Variants in ATAD2B observed in about 807,000 individuals in gnomAD.
The protein encoded by ATAD2B is ATPase family AAA domain-containing protein 2B.
A neutral mutation model predicts 167.6 loss-of-function variants in ATAD2B; 40 were observed. The observed-to-expected ratio is 0.24, with a 90% CI of 0.19 to 0.31. ATAD2B has a LOEUF of 0.31. Ranked by LOEUF, ATAD2B falls within the 10% of genes least tolerant of loss-of-function variation. The probability of loss-of-function intolerance (pLI) is 1.00; values close to 1 mark genes in which losing one functional copy is unlikely to be tolerated. For synonymous variants in ATAD2B, 579 were observed against 596.5 expected, an observed-to-expected ratio of 0.97 and a Z score of 0.43; for missense variants, 1,242 against 1,757.2, an observed-to-expected ratio of 0.71 and a Z score of 5.24.
At chr2:23,745,386 A>AAGGAAGGAAGGC, downstream of ATAD2B, among the ~76,000 whole-genome samples, 1 of 104,780 alleles carries the variant, frequency 9.5e-6, no homozygotes, top group Non-Finnish European at 2.1e-5. Context: ...GGAAGGAAGG[A>AAGGAAGGAAGGC]AGGAAGGAAG....
At chr2:23,711,804 C>T in the ATAD2B span, among the ~76,000 whole-genome samples, 360 of 152,254 alleles carry the variant, frequency 2.4e-3, 2 homozygotes, top group African/African-American at 8.0e-3. Flanking sequence ...AATATGCTGC[C>T]ATGTATTCGT....
intron 13 of ATAD2B, among the ~76,000 whole-genome samples, chr2:23,851,388 T>C (rs1051669267): frequency 1.3e-5 from 2 of 152,210 alleles, no homozygotes; most frequent in Middle Eastern, 3.2e-3. Context: ...AGATCCACTG[T>C]CCTTGGCCTC....
intron 13 of ATAD2B, among the ~76,000 whole-genome samples, chr2:23,835,287 T>C (rs372172093): frequency 6.6e-6 from 1 of 152,150 alleles, no homozygotes; most frequent in Non-Finnish European, 1.5e-5. Flanking sequence ...AACTGATAAA[T>C]AGAATAAATG....
At chr2:23,716,007 T>C in the ATAD2B span, among the ~76,000 whole-genome samples, 1 of 152,356 alleles carries the variant, frequency 6.6e-6, no homozygotes, top group Admixed American at 6.5e-5. Context: ...TCTAAAGGGA[T>C]GTTCTGTTTG....
chr2:23,914,608 G>A (rs1024699032), intron 1 of ATAD2B, among the ~76,000 whole-genome samples: 3 of 152,086 alleles, frequency 2.0e-5, no homozygotes, highest in African/African-American at 7.2e-5. Context: ...GGTAGGCCGA[G>A]GCAGGCAGAT....
the ATAD2B span, among the ~76,000 whole-genome samples, chr2:23,704,627 C>T: frequency 0.033 from 4,970 of 152,236 alleles, 100 homozygotes; most frequent in South Asian, 0.087. Flanking sequence ...ATTTGCCAGG[C>T]GTGGTGGCAT....
the ATAD2B span, among the ~76,000 whole-genome samples, chr2:23,728,803 TAA>T: frequency 6.6e-6 from 1 of 152,196 alleles, no homozygotes; most frequent in Non-Finnish European, 1.5e-5. Context: ...TGAAGGATAA[TAA>T]GAGACATAAT....
At position 23,836,804 on chromosome 2, in the gene ATAD2B, C is replaced by A. The variant is rs557451453; in HGVS notation, c.1569-2726G>T. Among the ~76,000 whole-genome samples, 9 of 152,172 alleles carry A rather than the reference C, an allele frequency of 5.9e-5. No individual in the cohort carries two copies. The South Asian group carries it at 1.9e-3, about 32-fold the overall frequency. Reference sequence around the variant, plus strand: ...GTAGCTCCTCTCTGAAGTTGGTCCTCCTGATGTCCACTTAGCTCTGGCTGA... The same window carrying A: ...GTAGCTCCTCTCTGAAGTTGGTCCTACTGATGTCCACTTAGCTCTGGCTGA... On this transcript the variant is annotated intron_variant, in intron 13 of 27. Coordinates refer to ENST00000238789, the MANE Select transcript of ATAD2B (RefSeq NM_017552.4).
intron 1 of ATAD2B, among the ~76,000 whole-genome samples, chr2:23,910,325 T>G (rs1418060717): frequency 6.6e-6 from 1 of 151,536 alleles, no homozygotes; most frequent in Non-Finnish European, 1.5e-5. Context: ...ATTACAAGCA[T>G]GCACCACGAT....
chr2:23,776,488 G>T (rs1269474888), intron 22 of ATAD2B, among the ~76,000 whole-genome samples: 1 of 152,224 alleles, frequency 6.6e-6, no homozygotes, highest in Non-Finnish European at 1.5e-5. Flanking sequence ...TATACACAGA[G>T]AATATTTAAC....
chr2:23,726,957 T>C, the ATAD2B span, among the ~76,000 whole-genome samples: 3 of 152,212 alleles, frequency 2.0e-5, no homozygotes, highest in African/African-American at 7.2e-5. Flanking sequence ...TTATGCTATG[T>C]GTATTTTACC....
chr2:23,734,121 C>T, the ATAD2B span, among the ~76,000 whole-genome samples: 4 of 152,278 alleles, frequency 2.6e-5, no homozygotes, highest in Admixed American at 2.0e-4. Context: ...TCTGTTTTCA[C>T]ATTGCTATAA....
At chr2:23,895,736 G>A (rs1700072306) in intron 2 of ATAD2B, 83 bp downstream of exon 2, 2 of 992,688 alleles carry the variant, frequency 2.0e-6, no homozygotes, top group African/African-American at 3.3e-5. Flanking sequence ...TATTTTATAA[G>A]CTAAGAAAAT....
chr2:23,704,137 CTCAG>C, the ATAD2B span, among the ~76,000 whole-genome samples: 1 of 152,228 alleles, frequency 6.6e-6, no homozygotes, highest in Non-Finnish European at 1.5e-5. Flanking sequence ...CTACCCTGCT[CTCAG>C]TGAGAGGTGA....
At chr2:23,760,618 T>A (rs1026993546) in intron 24 of ATAD2B, among the ~76,000 whole-genome samples, 3 of 149,904 alleles carry the variant, frequency 2.0e-5, no homozygotes, top group Admixed American at 1.3e-4. Context: ...GAGCCAAGAC[T>A]GAGCCACTGC....
intron 14 of ATAD2B, chr2:23,832,404 G>A (rs375469115): frequency 9.9e-6 from 3 of 303,394 alleles, no homozygotes; most frequent in East Asian, 9.1e-5. Flanking sequence ...TGTGGAAAAC[G>A]ATGTTCAAGA....
intron 2 of ATAD2B, among the ~76,000 whole-genome samples, chr2:23,890,343 CA>C (rs963938006): frequency 6.6e-6 from 1 of 151,512 alleles, no homozygotes; most frequent in African/African-American, 2.4e-5. Flanking sequence ...TAGAAAACAA[CA>C]AAAAAAATAC....
intron 20 of ATAD2B, 144 bp downstream of exon 20, chr2:23,788,368 A>G: frequency 1.1e-6 from 1 of 880,224 alleles, no homozygotes; most frequent in South Asian, 1.8e-5. Context: ...CACAATGGAC[A>G]CTTCCACACG....
intron 1 of ATAD2B, among the ~76,000 whole-genome samples, chr2:23,925,862 C>G (rs1356152020): frequency 6.6e-6 from 1 of 152,194 alleles, no homozygotes; most frequent in African/African-American, 2.4e-5. Flanking sequence ...AAACATTCCA[C>G]TTGTTTCTTT....
Sources: allele counts gnomAD v4.1 joint callset (sites outside exome capture counted in the v4.1 genomes callset), GRCh38; gene constraint gnomAD v4.1.1; transcripts MANE v1.5; gene names NCBI Gene and HGNC (gene_info 2026-07-23, HGNC 2026-07-21).